The following POU6F2 variants were observed in gnomAD, a reference collection of about 807,000 sequenced individuals.
POU6F2 encodes POU domain, class 6, transcription factor 2.
POU6F2 carries 31 observed loss-of-function variants against 71.3 expected under a neutral mutation model. The observed-to-expected ratio is 0.43, with a 90% CI of 0.33 to 0.59. The LOEUF (loss-of-function observed/expected upper bound fraction) is 0.59. Ranked by LOEUF, POU6F2 falls within the 20% of genes least tolerant of loss-of-function variation. POU6F2 has a pLI of 0.04. For missense variants in POU6F2, 783 were observed against 856.8 expected (o/e 0.91, Z 1.07); for synonymous variants, 347 against 355.7 (o/e 0.98, Z 0.27).
chr7:39,430,507 A>T (rs1171102695), intron 6 of POU6F2, among the ~76,000 whole-genome samples: 1 of 152,254 alleles, frequency 6.6e-6, no homozygotes, highest in African/African-American at 2.4e-5. Flanking sequence ...ATGTGCTGGC[A>T]CAGTTGAAAG....
At chr7:39,132,420 C>A (rs1792305699) in intron 2 of POU6F2, 1 of 152,144 alleles carries the variant, frequency 6.6e-6, no homozygotes, top group African/African-American at 2.4e-5. Flanking sequence ...CAAATGATGA[C>A]CCTACAATTT....
chr7:39,085,829 T>TC (rs1791229325), intron 1 of POU6F2, 31 bp from the exon 2 acceptor site: 4 of 1,610,304 alleles, frequency 2.5e-6, no homozygotes, highest in Non-Finnish European at 3.4e-6. Context: ...ACTTTTTTTT[T>TC]CCTCCCCTTC....
At chr7:39,056,872 T>G (rs956856476) in intron 1 of POU6F2, among the ~76,000 whole-genome samples, 1 of 152,140 alleles carries the variant, frequency 6.6e-6, no homozygotes. Flanking sequence ...ATTATCTTCT[T>G]TACTCTGTCT....
intron 1 of POU6F2, among the ~76,000 whole-genome samples, chr7:39,022,505 C>G (rs1433010081): frequency 6.6e-6 from 1 of 152,172 alleles, no homozygotes; most frequent in East Asian, 1.9e-4. Context: ...ATGGGACACT[C>G]CTATGGGCAC....
chr7:39,142,470 A>G (rs191452445), intron 2 of POU6F2, among the ~76,000 whole-genome samples: 1 of 152,362 alleles, frequency 6.6e-6, no homozygotes, highest in East Asian at 1.9e-4. Context: ...TATTAAAGGA[A>G]GAGAAAGAAT....
chr7:39,350,855 C>T (rs1786127366), intron 5 of POU6F2, among the ~76,000 whole-genome samples: 1 of 152,246 alleles, frequency 6.6e-6, no homozygotes, highest in Admixed American at 6.5e-5. Flanking sequence ...CATCTTCAAA[C>T]AGCTGAGACC....
chr7:39,319,853 A>G (rs919929014), intron 4 of POU6F2, among the ~76,000 whole-genome samples: 1 of 152,234 alleles, frequency 6.6e-6, no homozygotes, highest in Non-Finnish European at 1.5e-5. Context: ...GAACACCAAT[A>G]GCTCTTTCCA....
At chr7:38,990,844 G>C (rs950740782) in intron 1 of POU6F2, among the ~76,000 whole-genome samples, 4 of 152,058 alleles carry the variant, frequency 2.6e-5, no homozygotes, top group African/African-American at 9.7e-5. Flanking sequence ...CGGGAAATTG[G>C]GTTGAATCTT....
intron 2 of POU6F2, among the ~76,000 whole-genome samples, chr7:39,101,923 C>T (rs1791583053): frequency 6.6e-6 from 1 of 152,190 alleles, no homozygotes; most frequent in South Asian, 2.1e-4. Flanking sequence ...TAGGCTTCCT[C>T]ACTCTAAGAC....
At chr7:39,311,049 C>G (rs1785153602) in intron 4 of POU6F2, among the ~76,000 whole-genome samples, 2 of 152,122 alleles carry the variant, frequency 1.3e-5, no homozygotes, top group African/African-American at 4.8e-5. Flanking sequence ...TAGAGTCATC[C>G]TGGCATGCAG....
intron 4 of POU6F2, among the ~76,000 whole-genome samples, chr7:39,211,734 G>C (rs1192712548): frequency 6.6e-6 from 1 of 152,160 alleles, no homozygotes; most frequent in Non-Finnish European, 1.5e-5. Context: ...TTGGGCATTA[G>C]AGCATCCAGC....
At chr7:39,180,922 T>C (rs1793422973) in intron 2 of POU6F2, among the ~76,000 whole-genome samples, 1 of 152,106 alleles carries the variant, frequency 6.6e-6, no homozygotes, top group African/African-American at 2.4e-5. Flanking sequence ...CAGTGTCAAC[T>C]AAGGCACTTT....
intron 1 of POU6F2, among the ~76,000 whole-genome samples, chr7:39,033,915 G>T (rs951341022): frequency 2.0e-5 from 3 of 152,116 alleles, no homozygotes; most frequent in Admixed American, 1.3e-4. Context: ...TTTCTTCCCT[G>T]TCTTCTCAGC....
intron 4 of POU6F2, among the ~76,000 whole-genome samples, chr7:39,260,112 C>A (rs577392220): frequency 1.4e-5 from 2 of 148,006 alleles, no homozygotes; most frequent in Admixed American, 6.7e-5. Context: ...CATGCTCACA[C>A]CACACACACA....
chr7:39,464,987 T>C lies in POU6F2; in HGVS notation c.*301T>C, dbSNP rs888613287. 3 of 321,972 alleles carry C rather than the reference T, an allele frequency of 9.3e-6. No homozygotes were observed. Among genetic ancestry groups the C allele is most frequent in the Middle Eastern group, 8.7e-4 (1 of 1,154 alleles). 19.9% of individuals were successfully genotyped at this position (321,972 alleles called of 1,614,324 possible). A position where few individuals can be genotyped will look rare whatever the true frequency, so the allele number is the denominator to read the frequency against. On this transcript the variant is annotated 3_prime_UTR_variant, in exon 10 of 10. Transcript: ENST00000518318. This position sits in a 1 kb window ranked among gnomAD's most constrained non-coding sequence, Gnocchi z 4.1. ...CCCCACCTGTCTCCCCCAAAGCCAG[T>C]TTTTTAATGGACTTAAAGCAAACCA...
intron 4 of POU6F2, among the ~76,000 whole-genome samples, chr7:39,286,753 A>G (rs1432149846): frequency 6.6e-6 from 1 of 152,056 alleles, no homozygotes; most frequent in Non-Finnish European, 1.5e-5. Context: ...AGGTATCATC[A>G]TCATTGTCAT....
At chr7:39,254,530 C>A (rs1307417345) in intron 4 of POU6F2, among the ~76,000 whole-genome samples, 1 of 152,168 alleles carries the variant, frequency 6.6e-6, no homozygotes, top group Non-Finnish European at 1.5e-5. Flanking sequence ...AGGGAACCAA[C>A]CTTGAGAAGC....
At chr7:39,291,597 A>G (rs567073358) in intron 4 of POU6F2, among the ~76,000 whole-genome samples, 6 of 152,282 alleles carry the variant, frequency 3.9e-5, no homozygotes, top group Non-Finnish European at 7.4e-5. Flanking sequence ...CAATTTCCCA[A>G]CGTGGCTGCA....
intron 5 of POU6F2, 22 bp from the exon 6 acceptor site, chr7:39,406,570 TTTTCACGG>T (rs1161214997): frequency 6.2e-7 from 1 of 1,606,448 alleles, no homozygotes; most frequent in East Asian, 2.2e-5. Flanking sequence ...CTCTCGGTGG[TTTTCACGG>T]TGATCTTTTC....
Sources: gnomAD v4.1 joint callset for allele counts (sites outside exome capture counted in the v4.1 genomes callset) on GRCh38, gnomAD v4.1.1 for gene constraint, Gnocchi (gnomAD v3.1) non-coding constraint, MANE v1.5 for transcripts, NCBI Gene and HGNC (gene_info 2026-07-23, HGNC 2026-07-21) for gene names.